The following MSI2 variants were observed in gnomAD, a reference collection of about 807,000 sequenced individuals.
The protein encoded by MSI2 is RNA-binding protein Musashi homolog 2.
MSI2 carries 17 observed loss-of-function variants against 45.6 expected under a neutral mutation model. The observed-to-expected ratio is 0.37, with a 90% CI of 0.26 to 0.56. The LOEUF (loss-of-function observed/expected upper bound fraction) is 0.56, where lower values mean the gene tolerates loss of function less well. Among genes scored for constraint, MSI2 ranks in the 20% least tolerant of loss-of-function variants. MSI2 has a pLI of 0.77. For synonymous variants in MSI2, 156 were observed against 158.2 expected, an observed-to-expected ratio of 0.99 and a Z score of 0.11; for missense variants, 293 against 444.2, an observed-to-expected ratio of 0.66 and a Z score of 3.06.
intron 11 of MSI2, among the ~76,000 whole-genome samples, chr17:57,662,807 A>T (rs886736555): frequency 6.6e-6 from 1 of 152,230 alleles, no homozygotes; most frequent in Non-Finnish European, 1.5e-5. Context: ...GCTGTTGCAG[A>T]CACTGCCTGG....
Position 57,614,354 on chromosome 17 carries a change from A to T in MSI2, c.538-1616A>T, listed in dbSNP as rs115893209. Reference sequence around the variant, plus strand: ...AGGTGTGAGCCACCACGTCCGGCCTAGAGGTCTCTGTTTAAACAATGTATA... The same window carrying T: ...AGGTGTGAGCCACCACGTCCGGCCTTGAGGTCTCTGTTTAAACAATGTATA... On this transcript the variant is annotated intron_variant, in intron 8 of 13. Transcript: ENST00000284073. 1.3e-3 allele frequency among the ~76,000 whole-genome samples: 205 copies of T among 152,302 alleles called. 2 individuals carry two copies. Among genetic ancestry groups the T allele is most frequent in the African/African-American group, 4.8e-3 (201 of 41,568 alleles).
intron 6 of MSI2, among the ~76,000 whole-genome samples, chr17:57,423,454 T>C (rs1393666931): frequency 6.6e-6 from 1 of 152,206 alleles, no homozygotes; most frequent in East Asian, 1.9e-4. Flanking sequence ...AGACATTGGA[T>C]GAGATTTCAG....
intron 6 of MSI2, among the ~76,000 whole-genome samples, chr17:57,411,879 C>A (rs1487228908): frequency 6.6e-6 from 1 of 151,758 alleles, no homozygotes; most frequent in East Asian, 2.0e-4. Flanking sequence ...TGGTGGCGGG[C>A]GCTTGTAATC....
At chr17:57,363,197 C>T (rs915242488) in intron 5 of MSI2, among the ~76,000 whole-genome samples, 4 of 152,172 alleles carry the variant, frequency 2.6e-5, no homozygotes, top group East Asian at 3.8e-4. Context: ...AAGGCAATTC[C>T]GATAGATGCT....
chr17:57,409,812 G>C (rs184712403), intron 6 of MSI2, among the ~76,000 whole-genome samples: 1 of 152,014 alleles, frequency 6.6e-6, no homozygotes, highest in South Asian at 2.1e-4. Flanking sequence ...TTCGAGACCA[G>C]CCTGGCCAAC....
At chr17:57,477,895 C>A (rs375437893) in intron 6 of MSI2, among the ~76,000 whole-genome samples, 1 of 152,194 alleles carries the variant, frequency 6.6e-6, no homozygotes, top group Non-Finnish European at 1.5e-5. Context: ...AAGAGACTAT[C>A]GCAGCCTTGG....
intron 10 of MSI2, among the ~76,000 whole-genome samples, chr17:57,648,499 C>T (rs1014085685): frequency 3.9e-5 from 6 of 152,206 alleles, no homozygotes; most frequent in South Asian, 2.1e-4. Flanking sequence ...TCCAGGTCTG[C>T]GTGCTCTGCT....
At chr17:57,468,453 G>A (rs557016240) in intron 6 of MSI2, among the ~76,000 whole-genome samples, 3 of 150,668 alleles carry the variant, frequency 2.0e-5, no homozygotes, top group East Asian at 3.9e-4. Context: ...ACTGGGAGGC[G>A]GAGCTTGCAG....
At chr17:57,325,463 A>T (rs1433277627) in intron 5 of MSI2, among the ~76,000 whole-genome samples, 50 of 152,242 alleles carry the variant, frequency 3.3e-4, no homozygotes, top group Admixed American at 3.3e-3. Flanking sequence ...TACAAAAATT[A>T]TTAAAAACAA....
At chr17:57,642,814 A>G (rs577430911) in intron 10 of MSI2, among the ~76,000 whole-genome samples, 2 of 152,312 alleles carry the variant, frequency 1.3e-5, no homozygotes, top group East Asian at 3.9e-4. Flanking sequence ...GCTGCAGCTC[A>G]CTGCGGAAGT....
intron 7 of MSI2, among the ~76,000 whole-genome samples, chr17:57,593,538 A>G (rs55808421): frequency 6.6e-6 from 1 of 152,188 alleles, no homozygotes; most frequent in South Asian, 2.1e-4. Flanking sequence ...TTTGTCTTTT[A>G]AGGACACCTG....
intron 5 of MSI2, 82 bp downstream of exon 5, chr17:57,262,274 GA>G: frequency 7.0e-7 from 1 of 1,438,576 alleles, no homozygotes; most frequent in South Asian, 1.2e-5. Context: ...CATTGGCCAT[GA>G]ACTGTTGAAG....
intron 6 of MSI2, among the ~76,000 whole-genome samples, chr17:57,421,366 G>A (rs1372378757): frequency 6.6e-6 from 1 of 152,160 alleles, no homozygotes; most frequent in Non-Finnish European, 1.5e-5. Flanking sequence ...TATGTAGGGC[G>A]TGAACATGGG....
intron 13 of MSI2, among the ~76,000 whole-genome samples, chr17:57,677,577 C>T (rs1026550621): frequency 2.6e-5 from 4 of 152,216 alleles, no homozygotes; most frequent in Admixed American, 2.0e-4. Flanking sequence ...TTCATGCAGT[C>T]AAACAGCCAG....
At chr17:57,336,950 A>C (rs1914735365) in intron 5 of MSI2, among the ~76,000 whole-genome samples, 1 of 152,132 alleles carries the variant, frequency 6.6e-6, no homozygotes, top group African/African-American at 2.4e-5. Flanking sequence ...GGCTGCAGTC[A>C]TCTGAAGACA....
At chr17:57,398,121 T>C (rs1050262969) in intron 5 of MSI2, among the ~76,000 whole-genome samples, 2 of 152,226 alleles carry the variant, frequency 1.3e-5, no homozygotes, top group Non-Finnish European at 2.9e-5. Flanking sequence ...GGAGGGTGTA[T>C]GAAGAGATAT....
intron 5 of MSI2, among the ~76,000 whole-genome samples, chr17:57,359,235 C>T (rs1196531665): frequency 2.0e-5 from 3 of 152,172 alleles, no homozygotes; most frequent in Non-Finnish European, 2.9e-5. Flanking sequence ...GTCTGGGTCT[C>T]ATGGTGGCAT....
intron 8 of MSI2, among the ~76,000 whole-genome samples, chr17:57,614,012 G>C (rs1907428576): frequency 6.6e-6 from 1 of 152,072 alleles, no homozygotes; most frequent in Non-Finnish European, 1.5e-5. Context: ...TCTCCAAAAT[G>C]GATAACCCAT....
At chr17:57,548,783 T>G (rs2087229393) in intron 7 of MSI2, among the ~76,000 whole-genome samples, 1 of 151,474 alleles carries the variant, frequency 6.6e-6, no homozygotes, top group African/African-American at 2.4e-5. Context: ...CCATTCGGAG[T>G]CAGCCCGGAT....
Sources: gnomAD v4.1 joint callset for allele counts (sites outside exome capture counted in the v4.1 genomes callset) on GRCh38, gnomAD v4.1.1 for gene constraint, MANE v1.5 for transcripts, NCBI Gene and HGNC (gene_info 2026-07-23, HGNC 2026-07-21) for gene names.